PAXIP1: variants seen among roughly 807,000 people sequenced by gnomAD.
The protein encoded by PAXIP1 is PAX-interacting protein 1.
In PAXIP1, 19 loss-of-function variants were observed where a neutral mutation model predicts 140.6. The ratio of observed to expected loss-of-function variants is 0.14; its 90% CI spans 0.09 to 0.20. The LOEUF (loss-of-function observed/expected upper bound fraction) is 0.20. PAXIP1 is among the 10% of genes least tolerant of loss of function. The pLI is 1.00. For synonymous variants in PAXIP1, 442 were observed against 444.6 expected, an observed-to-expected ratio of 0.99 and a Z score of 0.07; for missense variants, 920 against 1,208.6, an observed-to-expected ratio of 0.76 and a Z score of 3.54.
chr7:154,962,270 G>A lies in PAXIP1; in HGVS notation c.2127+51C>T, dbSNP rs1808787634. 6 of 1,598,332 alleles carry A rather than the reference G, an allele frequency of 3.8e-6. No homozygotes were observed. In the Admixed American group the frequency reaches 5.1e-5, roughly 14 times the overall value. On this transcript the variant is annotated intron_variant, in intron 10 of 20. Coordinates refer to ENST00000404141, the MANE Select transcript of PAXIP1 (RefSeq NM_007349.4). ...GGTAAGCACTAGCAAGTGATTATTC[G>A]CCAAAGTCGAAGGATGATTTAACAA...
chr7:154,968,040 T>A, intron 7 of PAXIP1, 130 bp from the exon 8 acceptor site: 1 of 624,412 alleles, frequency 1.6e-6, no homozygotes, highest in Non-Finnish European at 2.8e-6. Context: ...TATCTGCCAG[T>A]AATCAGAGTG....
intron 4 of PAXIP1, 123 bp from the exon 5 acceptor site, chr7:154,983,455 T>C (rs983871880): frequency 3.3e-6 from 2 of 605,898 alleles, no homozygotes; most frequent in Non-Finnish European, 5.8e-6. Context: ...CCTAAGAATA[T>C]TTGTAGAAAA....
rs148203249 is a variant in PAXIP1, at chr7:154,954,403, T to C, written c.2673A>G (p.Gly891=). ...QYIKKLYILG[G]EVAESAQKCT... ...ACTTCTGTGCAGACTCCGCAACCTC[T>C]CCACCAAGAATGTAGAGCTTCTAAA... The change falls in exon 16 of 21, where the codon GGA becomes GGG. Residue 891 remains glycine, a synonymous_variant. Coordinates refer to ENST00000404141, the MANE Select transcript of PAXIP1 (RefSeq NM_007349.4). The surrounding 1 kb of genome is among the most constrained non-coding windows in gnomAD (Gnocchi z 5.1). 3,086 of 1,556,546 alleles carry C rather than the reference T, an allele frequency of 2.0e-3. 36 individuals carry two copies. The highest frequency in any genetic ancestry group is 0.016 in the South Asian group (1,389 of 84,626).
At chr7:154,977,784 CAT>C (rs1240196386) in intron 5 of PAXIP1, among the ~76,000 whole-genome samples, 6 of 151,848 alleles carry the variant, frequency 4.0e-5, no homozygotes, top group African/African-American at 1.2e-4. Flanking sequence ...AGGGAAAAAA[CAT>C]ATAGTCATAG....
At chr7:154,950,870 T>C (rs1808242525) in intron 16 of PAXIP1, 2 of 152,186 alleles carry the variant, frequency 1.3e-5, no homozygotes, top group Admixed American at 1.3e-4. Context: ...AGGAAGCAAA[T>C]CTGAAAATCC....
Position 154,998,706 on chromosome 7 carries a change from C to A in PAXIP1, c.160G>T (p.Gly54Trp). The A allele has an allele frequency of 7.4e-6, 12 of 1,613,480 alleles. No individual in the cohort carries two copies. The highest frequency in any genetic ancestry group is 8.5e-6 in the Non-Finnish European group (10 of 1,179,524). Reference sequence around the variant, plus strand: ...GCTTCTCCCACCTCTGGATTGTCCCCATCCTCTGAGATTATGTGTGAGGCT... The same window carrying A: ...GCTTCTCCCACCTCTGGATTGTCCCAATCCTCTGAGATTATGTGTGAGGCT... ...ALASHIISEDGDNPEVGEARE... is the reference protein window; with the variant it reads ...ALASHIISEDWDNPEVGEARE... The change falls in exon 2 of 21, where the codon GGG (glycine) becomes TGG (tryptophan). Residue 54 changes from glycine to tryptophan, a missense_variant. This residue lies in a region of PAXIP1 where 419 missense variants were observed against 514.7 expected (regional missense o/e 0.81). Transcript: ENST00000404141.
intron 17 of PAXIP1, chr7:154,947,191 C>G (rs1183874839): frequency 5.7e-6 from 1 of 174,320 alleles, no homozygotes; most frequent in Non-Finnish European, 1.2e-5. Context: ...GCATAGCATG[C>G]TGCCTGGCTT....
chr7:154,986,639 T>C lies in PAXIP1; in HGVS notation c.325-3307A>G, dbSNP rs1810090258. ...AACCACAAAATATTAGTGCTCCCAA[T>C]GCACTTTTCTTAAACTACAATTTCC... On this transcript the variant is annotated intron_variant, in intron 4 of 20. Coordinates refer to ENST00000404141, the MANE Select transcript of PAXIP1 (RefSeq NM_007349.4). This position sits in a 1 kb window ranked among gnomAD's most constrained non-coding sequence, Gnocchi z 4.8. Among the ~76,000 whole-genome samples, 1 of 152,214 alleles carries C rather than the reference T, an allele frequency of 6.6e-6. No individual in the cohort carries two copies. The highest frequency in any genetic ancestry group is 2.4e-5 in the African/African-American group (1 of 41,454).
rs1419982662 is a variant in PAXIP1 at position 154,976,158 on chromosome 7, C to G, written c.612G>C (p.Glu204Asp). 6.3e-7 allele frequency: 1 copy of G among 1,588,222 alleles called. No homozygotes were observed. Among genetic ancestry groups the G allele is most frequent in the Non-Finnish European group, 8.6e-7 (1 of 1,165,684 alleles). ...EEEEEEEVEN[E>D]EQDSQNEGST... ...TACCCTCATTCTGAGAATCTTGTTC[C>G]TCATTTTCTACTTCCTCCTCCTCTT... The change falls in exon 6 of 21, where the codon GAG (glutamate) becomes GAC (aspartate). Residue 204 changes from glutamate (E) to aspartate (D), a missense_variant. Around this residue, in one of 5 missense-constraint regions of PAXIP1, gnomAD observed 419 missense variants for 514.7 expected, o/e 0.81. Transcript: ENST00000404141.
intron 13 of PAXIP1, among the ~76,000 whole-genome samples, chr7:154,959,617 C>T (rs1408966808): frequency 6.6e-6 from 1 of 152,164 alleles, no homozygotes; most frequent in African/African-American, 2.4e-5. Context: ...ACTCAGGACA[C>T]TATGAAAACA....
intron 1 of PAXIP1, 94 bp downstream of exon 1, chr7:155,002,755 G>T: frequency 1.5e-6 from 1 of 663,020 alleles, no homozygotes; most frequent in Non-Finnish European, 2.0e-6. Context: ...TGCGCCCGGC[G>T]CGCGCCCGCG....
intron 1 of PAXIP1, 81 bp from the exon 2 acceptor site, chr7:154,998,865 A>G: frequency 2.5e-6 from 3 of 1,209,028 alleles, no homozygotes; most frequent in Non-Finnish European, 2.3e-6. Context: ...ATTATTGGGC[A>G]TAATAGTACT....
chr7:154,991,645 T>C (rs966699487), intron 3 of PAXIP1, among the ~76,000 whole-genome samples: 3 of 152,214 alleles, frequency 2.0e-5, no homozygotes, highest in African/African-American at 4.8e-5. Context: ...TCCTTCCTAT[T>C]TCTAAAGCTG....
rs1179146337 is a variant in PAXIP1, at chr7:154,944,174, T to G, written c.3195-10A>C. The G allele has an allele frequency of 6.3e-7, 1 of 1,596,926 alleles. No homozygotes were observed. The highest frequency in any genetic ancestry group is 1.3e-5 in the African/African-American group (1 of 74,384). On this transcript the variant is annotated splice_polypyrimidine_tract_variant and intron_variant, in intron 20 of 20. Coordinates refer to ENST00000404141, the MANE Select transcript of PAXIP1 (RefSeq NM_007349.4). ...TCAGTTAAACTTATATGTAGGCTTG[T>G]TGAGGAAAACGACTTTCAAACACAA...
At chr7:154,959,966 G>A (rs1205816506) in intron 12 of PAXIP1, 33 bp from the exon 13 acceptor site, 1 of 1,464,614 alleles carries the variant, frequency 6.8e-7, no homozygotes, top group Non-Finnish European at 9.6e-7. Flanking sequence ...TTTTATGATA[G>A]ATACGTTGTT....
chr7:154,962,452 T>G lies in PAXIP1; in HGVS notation c.1996A>C (p.Arg666=). Reference sequence around the variant, plus strand: ...GCAGTAACACATCTCTTTCTTTCTCTTATTGCCTGTCAAACATAAAATTAT... The same window carrying G: ...GCAGTAACACATCTCTTTCTTTCTCGTATTGCCTGTCAAACATAAAATTAT... ...QVSSAYAQAI[R]ERKRCVTAHW... The change falls in exon 10 of 21, where the codon AGA becomes CGA. Residue 666 remains arginine (R), a synonymous_variant. Coordinates refer to ENST00000404141, the MANE Select transcript of PAXIP1 (RefSeq NM_007349.4). 1 of 1,612,144 alleles carries G rather than the reference T, an allele frequency of 6.2e-7. No homozygotes were observed. The highest frequency in any genetic ancestry group is 8.5e-7 in the Non-Finnish European group (1 of 1,179,100).
At chr7:154,978,044 G>A (rs1245462146) in intron 5 of PAXIP1, among the ~76,000 whole-genome samples, 2 of 151,444 alleles carry the variant, frequency 1.3e-5, no homozygotes, top group African/African-American at 2.5e-5. Flanking sequence ...TTAATAACTG[G>A]CAATCTTTTA....
chr7:154,959,866 G>A, intron 13 of PAXIP1, 24 bp downstream of exon 13: 4 of 1,515,034 alleles, frequency 2.6e-6, no homozygotes, highest in Non-Finnish European at 3.7e-6. Context: ...TAATAGCCAA[G>A]GTAAGGTTAT....
intron 13 of PAXIP1, among the ~76,000 whole-genome samples, chr7:154,958,918 C>G (rs1433498845): frequency 6.6e-6 from 1 of 152,164 alleles, no homozygotes; most frequent in African/African-American, 2.4e-5. Flanking sequence ...CTGGTCATGT[C>G]TTTAAAATTA....
Sources: gnomAD v4.1 joint callset for allele counts (sites outside exome capture counted in the v4.1 genomes callset) on GRCh38, gnomAD v4.1.1 for gene constraint, gnomAD v4.1.1 regional missense constraint, Gnocchi (gnomAD v3.1) non-coding constraint, MANE v1.5 for transcripts, NCBI Gene and HGNC (gene_info 2026-07-23, HGNC 2026-07-21) for gene names.